Variants in RERE observed in about 807,000 individuals in gnomAD.
The protein encoded by RERE is arginine-glutamic acid dipeptide repeats protein.
Under a neutral mutation model 146.1 loss-of-function variants are expected in RERE, and 40 were observed. The ratio of observed to expected loss-of-function variants is 0.27; its 90% confidence interval spans 0.21 to 0.36. The LOEUF (loss-of-function observed/expected upper bound fraction) is 0.36. Ranked by LOEUF, RERE falls within the 10% of genes least tolerant of loss-of-function variation. The probability of loss-of-function intolerance (pLI) is 1.00; values close to 1 mark genes in which losing one functional copy is unlikely to be tolerated. For missense variants in RERE, 1,933 were observed against 2,138.7 expected (o/e 0.90, Z 1.90); for synonymous variants, 1,003 against 866.0 (o/e 1.16, Z -2.78).
intron 4 of RERE, among the ~76,000 whole-genome samples, chr1:8,584,763 T>G (rs1047376715): frequency 2.6e-5 from 4 of 152,160 alleles, no homozygotes; most frequent in African/African-American, 9.7e-5. Context: ...AAACAAAAAT[T>G]TTTTATTTTA....
chr1:8,759,705 T>C (rs1044090818), intron 1 of RERE, among the ~76,000 whole-genome samples: 21 of 152,114 alleles, frequency 1.4e-4, no homozygotes, highest in African/African-American at 4.6e-4. Context: ...CTACGCTCAA[T>C]TGCAAAACAG....
chr1:8,694,758 CA>C (rs377081925), intron 1 of RERE, among the ~76,000 whole-genome samples: 10 of 142,744 alleles, frequency 7.0e-5, no homozygotes, highest in South Asian at 2.2e-4. Flanking sequence ...GACTCTATCT[CA>C]AAAAAAAAAG....
intron 11 of RERE, among the ~76,000 whole-genome samples, chr1:8,457,365 AAC>A (rs1644464008): frequency 6.6e-6 from 1 of 152,208 alleles, no homozygotes; most frequent in African/African-American, 2.4e-5. Flanking sequence ...AAATGTGGAA[AAC>A]ACACTAGAAT....
At chr1:8,395,586 G>C (rs187286076) in intron 12 of RERE, among the ~76,000 whole-genome samples, 20 of 151,596 alleles carry the variant, frequency 1.3e-4, no homozygotes, top group Admixed American at 6.5e-4. Flanking sequence ...GCTGGAGGTA[G>C]GAAAAAAAAA....
intron 2 of RERE, among the ~76,000 whole-genome samples, chr1:8,637,375 C>T (rs1388211596): frequency 1.3e-5 from 2 of 152,088 alleles, no homozygotes; most frequent in Non-Finnish European, 2.9e-5. Context: ...TACTCAGTCT[C>T]CCCTCTTTCA....
At chr1:8,485,745 T>C (rs952889809) in intron 10 of RERE, among the ~76,000 whole-genome samples, 2 of 150,202 alleles carry the variant, frequency 1.3e-5, no homozygotes, top group Non-Finnish European at 3.0e-5. Context: ...TTCAAATATA[T>C]GAAGCAAAAA....
chr1:8,726,159 T>C (rs965194148), intron 1 of RERE, among the ~76,000 whole-genome samples: 6 of 129,154 alleles, frequency 4.6e-5, no homozygotes, highest in African/African-American at 1.4e-4. Flanking sequence ...TTTTTTTTTT[T>C]TTTTTTTTTT....
intron 1 of RERE, among the ~76,000 whole-genome samples, chr1:8,745,983 T>C (rs781070890): frequency 6.6e-6 from 1 of 152,184 alleles, no homozygotes; most frequent in Non-Finnish European, 1.5e-5. Context: ...CAGGATTGCT[T>C]GAACCCAGGA....
chr1:8,674,658 G>A (rs1638794482), intron 1 of RERE, among the ~76,000 whole-genome samples: 1 of 152,204 alleles, frequency 6.6e-6, no homozygotes, highest in Non-Finnish European at 1.5e-5. Flanking sequence ...TATTCCAACT[G>A]TTTAAAGTCA....
At chr1:8,712,205 T>C (rs1393766553) in intron 1 of RERE, among the ~76,000 whole-genome samples, 4 of 152,252 alleles carry the variant, frequency 2.6e-5, no homozygotes, top group Non-Finnish European at 5.9e-5. Flanking sequence ...GGGTGGTTTC[T>C]TGTGTTTTCT....
At chr1:8,562,000 C>A (rs1290734226) in intron 4 of RERE, among the ~76,000 whole-genome samples, 1 of 152,146 alleles carries the variant, frequency 6.6e-6, no homozygotes, top group Non-Finnish European at 1.5e-5. Flanking sequence ...CTTCTCCAAG[C>A]CTCAATGCTC....
At chr1:8,600,191 G>T (rs1646604855) in intron 4 of RERE, among the ~76,000 whole-genome samples, 1 of 152,098 alleles carries the variant, frequency 6.6e-6, no homozygotes, top group African/African-American at 2.4e-5. Context: ...CACCATGATT[G>T]TGAGGCCTAC....
intron 1 of RERE, among the ~76,000 whole-genome samples, chr1:8,657,237 G>A (rs866821480): frequency 2.0e-5 from 3 of 150,020 alleles, no homozygotes; most frequent in Admixed American, 6.7e-5. Context: ...CCCAGGAGAC[G>A]GAGCTTGTAG....
intron 1 of RERE, among the ~76,000 whole-genome samples, chr1:8,748,918 A>G (rs868684690): frequency 2.6e-5 from 4 of 152,338 alleles, no homozygotes; most frequent in Middle Eastern, 3.4e-3. Context: ...AGCTAATTAA[A>G]TAAGTGGGTC....
intron 7 of RERE, among the ~76,000 whole-genome samples, chr1:8,532,550 A>G (rs1645671148): frequency 6.6e-6 from 1 of 151,832 alleles, no homozygotes; most frequent in South Asian, 2.1e-4. Context: ...CCTCCCAAGT[A>G]GCTGGGATTA....
At chr1:8,405,662 C>T (rs375786947) in intron 12 of RERE, among the ~76,000 whole-genome samples, 2 of 152,236 alleles carry the variant, frequency 1.3e-5, no homozygotes, top group South Asian at 2.1e-4. Flanking sequence ...ATTTTCGAGA[C>T]GGAGTCTCAC....
At chr1:8,579,820 A>G (rs560086092) in intron 4 of RERE, among the ~76,000 whole-genome samples, 2 of 152,358 alleles carry the variant, frequency 1.3e-5, no homozygotes, top group Non-Finnish European at 2.9e-5. Context: ...CCTGGCCAAC[A>G]TGGTAAAACC....
chr1:8,661,464 G>A (rs924501595), intron 1 of RERE, among the ~76,000 whole-genome samples: 1 of 152,178 alleles, frequency 6.6e-6, no homozygotes, highest in African/African-American at 2.4e-5. Flanking sequence ...AGAAAGGCAT[G>A]ATCTGACTTC....
intron 11 of RERE, among the ~76,000 whole-genome samples, chr1:8,439,417 G>A (rs1644215971): frequency 6.6e-6 from 1 of 152,216 alleles, no homozygotes; most frequent in Non-Finnish European, 1.5e-5. Flanking sequence ...CTTCAAGTCA[G>A]GAGAGCTGGT....
Sources: gnomAD v4.1 joint callset for allele counts (sites outside exome capture counted in the v4.1 genomes callset) on GRCh38, gnomAD v4.1.1 for gene constraint, MANE v1.5 for transcripts, NCBI Gene and HGNC (gene_info 2026-07-23, HGNC 2026-07-21) for gene names.